MTA3: variants seen among roughly 807,000 people sequenced by gnomAD.
MTA3 encodes the protein metastasis-associated protein MTA3.
A neutral mutation model predicts 83.5 loss-of-function variants in MTA3; 34 were observed. The observed-to-expected ratio is 0.41, with a 90% confidence interval of 0.31 to 0.54. MTA3 has a LOEUF of 0.54. Among genes scored for constraint, MTA3 ranks in the 20% least tolerant of loss-of-function variants. The pLI, the probability that MTA3 is intolerant of heterozygous loss-of-function variation, is 0.33. For missense variants in MTA3, 761 were observed against 726.4 expected (o/e 1.05, Z -0.55); for synonymous variants, 303 against 252.7 (o/e 1.20, Z -1.89).
chr2:42,508,687 A>G (rs890963810), intron 2 of MTA3, among the ~76,000 whole-genome samples: 13 of 151,218 alleles, frequency 8.6e-5, no homozygotes, highest in Admixed American at 8.0e-4. Flanking sequence ...ACTGTAACAA[A>G]TATACAACTC....
intron 2 of MTA3, among the ~76,000 whole-genome samples, chr2:42,504,095 A>C (rs530009666): frequency 1.8e-4 from 27 of 151,020 alleles, no homozygotes; most frequent in Non-Finnish European, 3.8e-4. Context: ...AGCCCAGCTA[A>C]CTTATTGTAT....
At chr2:42,527,747 C>G (rs1675783149) in intron 2 of MTA3, among the ~76,000 whole-genome samples, 1 of 151,228 alleles carries the variant, frequency 6.6e-6, no homozygotes, top group South Asian at 2.1e-4. Context: ...TTCAGCTACT[C>G]AAGACACTGA....
intron 1 of MTA3, chr2:42,569,441 A>C (rs1431185390): frequency 6.6e-6 from 1 of 152,030 alleles, no homozygotes; most frequent in African/African-American, 2.4e-5. Flanking sequence ...AATAAGGTCA[A>C]ACAAACTTTC....
At chr2:42,517,573 C>CAA (rs70963320) in intron 2 of MTA3, among the ~76,000 whole-genome samples, 10 of 98,460 alleles carry the variant, frequency 1.0e-4, no homozygotes, top group East Asian at 3.1e-4. Context: ...AATTCCATCT[C>CAA]AAAAAAAAAA....
intron 2 of MTA3, among the ~76,000 whole-genome samples, chr2:42,549,209 A>G (rs1334363281): frequency 7.3e-6 from 1 of 136,308 alleles, no homozygotes; most frequent in Admixed American, 8.7e-5. Flanking sequence ...TATATAATAT[A>G]TTATATTTGT....
chr2:42,667,584 G>GTGTGTGTT (rs1690362574), intron 8 of MTA3, among the ~76,000 whole-genome samples: 10 of 129,450 alleles, frequency 7.7e-5, no homozygotes, highest in South Asian at 2.7e-4. Flanking sequence ...GTGTGTGTGT[G>GTGTGTGTT]TGTGTGTGTG....
At chr2:42,524,839 A>G (rs1675607143) in intron 2 of MTA3, among the ~76,000 whole-genome samples, 1 of 147,072 alleles carries the variant, frequency 6.8e-6, no homozygotes, top group African/African-American at 2.5e-5. Flanking sequence ...AAAAAAAAAA[A>G]AGAAAAAAAG....
chr2:42,645,078 C>T (rs921930193), intron 6 of MTA3, among the ~76,000 whole-genome samples: 2 of 150,190 alleles, frequency 1.3e-5, no homozygotes, highest in Admixed American at 6.7e-5. Flanking sequence ...CCTCTTTCCC[C>T]AGTTAGCCAA....
At chr2:42,510,428 T>A (rs1052201141) in intron 2 of MTA3, among the ~76,000 whole-genome samples, 6 of 152,132 alleles carry the variant, frequency 3.9e-5, no homozygotes, top group Non-Finnish European at 7.4e-5. Flanking sequence ...GAAAAGTTCT[T>A]GAGATCAGCT....
In MTA3 at chr2:42,524,945, G is replaced by A. The variant is rs552941310; in HGVS notation, c.-141+29691G>A. Among the ~76,000 whole-genome samples, 36 of 148,330 alleles carry A rather than the reference G, an allele frequency of 2.4e-4. No homozygotes were observed. The East Asian group carries it at 6.2e-3, about 25-fold the overall frequency. On this transcript the variant is annotated intron_variant, in intron 2 of 17. Coordinates refer to the MTA3 transcript ENST00000405592. Reference sequence around the variant, plus strand: ...ACAGTTGAATTACCGAAGGTGAAGCGCCTGTGGGTCTCTTTTTTTTTTTTT... The same window carrying A: ...ACAGTTGAATTACCGAAGGTGAAGCACCTGTGGGTCTCTTTTTTTTTTTTT...
chr2:42,686,318 A>G, intron 9 of MTA3, among the ~76,000 whole-genome samples: 1 of 152,348 alleles, frequency 6.6e-6, no homozygotes, highest in African/African-American at 2.4e-5. Flanking sequence ...CAAAATTTAT[A>G]CACAGTAAAA....
intron 3 of MTA3, among the ~76,000 whole-genome samples, chr2:42,598,796 C>A (rs1682170055): frequency 6.6e-6 from 1 of 152,138 alleles, no homozygotes; most frequent in African/African-American, 2.4e-5. Context: ...ATAAAAGCCC[C>A]TACAAATCAT....
chr2:42,677,403 C>T (rs543624169), intron 8 of MTA3, among the ~76,000 whole-genome samples: 2 of 151,988 alleles, frequency 1.3e-5, no homozygotes, highest in African/African-American at 2.4e-5. Context: ...AGTGCAGTGG[C>T]GCAATCTTGG....
chr2:42,527,052 C>CAAAAAA (rs34030475), intron 2 of MTA3, among the ~76,000 whole-genome samples: 71 of 45,290 alleles, frequency 1.6e-3, no homozygotes, highest in Admixed American at 4.7e-3. Flanking sequence ...GACTCTGTCT[C>CAAAAAA]AAAAAAAAAA....
chr2:42,710,446 G>A (rs541803696), intron 14 of MTA3, among the ~76,000 whole-genome samples: 68 of 151,090 alleles, frequency 4.5e-4, no homozygotes, highest in African/African-American at 1.7e-3. Context: ...AGCTACTCAG[G>A]AGGCCAAGGC....
chr2:42,642,310 C>T (rs141536947), intron 5 of MTA3, among the ~76,000 whole-genome samples: 2 of 151,860 alleles, frequency 1.3e-5, no homozygotes, highest in Non-Finnish European at 1.5e-5. Flanking sequence ...TATTGGAGTA[C>T]CATGCTAATA....
intron 16 of MTA3, among the ~76,000 whole-genome samples, chr2:42,749,807 C>A (rs1198498345): frequency 6.6e-6 from 1 of 151,996 alleles, no homozygotes; most frequent in Non-Finnish European, 1.5e-5. Context: ...GAGTTTATCA[C>A]TGTTACTGGC....
At chr2:42,548,544 C>T (rs1676865246) in intron 2 of MTA3, among the ~76,000 whole-genome samples, 1 of 151,412 alleles carries the variant, frequency 6.6e-6, no homozygotes, top group Non-Finnish European at 1.5e-5. Flanking sequence ...GTAATTCCAG[C>T]ACTTTGGAAG....
intron 11 of MTA3, chr2:42,703,904 A>G (rs2104494121): frequency 4.3e-6 from 1 of 233,866 alleles, no homozygotes; most frequent in Non-Finnish European, 8.5e-6. Context: ...AAAAAAAAAA[A>G]GTGTCAGAGG....
Sources: gnomAD v4.1 joint callset for allele counts (sites outside exome capture counted in the v4.1 genomes callset) on GRCh38, gnomAD v4.1.1 for gene constraint, MANE v1.5 for transcripts, NCBI Gene and HGNC (gene_info 2026-07-23, HGNC 2026-07-21) for gene names.